Variants in CDK13 observed in about 807,000 individuals in gnomAD.
CDK13 encodes the protein cyclin-dependent kinase 13.
A neutral mutation model predicts 137.6 loss-of-function variants in CDK13; 40 were observed. That is an observed-to-expected ratio of 0.29 (90% CI 0.23 to 0.38). The LOEUF is 0.38. Among genes scored for constraint, CDK13 ranks in the 10% least tolerant of loss-of-function variants. The probability of loss-of-function intolerance (pLI) is 1.00; values close to 1 mark genes in which losing one functional copy is unlikely to be tolerated. For synonymous variants in CDK13, 869 were observed against 760.1 expected, an observed-to-expected ratio of 1.14 and a Z score of -2.36; for missense variants, 1,704 against 1,951.8, an observed-to-expected ratio of 0.87 and a Z score of 2.39.
At chr7:40,021,437 G>A (rs1024186211) in intron 5 of CDK13, among the ~76,000 whole-genome samples, 28 of 150,896 alleles carry the variant, frequency 1.9e-4, no homozygotes, top group Non-Finnish European at 3.4e-4. Context: ...TGTAGGTTGC[G>A]GTGAGCTGAG....
intron 1 of CDK13, among the ~76,000 whole-genome samples, chr7:39,976,279 C>T (rs981917746): frequency 5.9e-4 from 39 of 65,946 alleles, no homozygotes; most frequent in South Asian, 1.1e-3. Context: ...GGCAACAGAG[C>T]GAGATTCCGT....
At chr7:40,028,624 C>T (rs888632275) in intron 5 of CDK13, among the ~76,000 whole-genome samples, 1 of 151,956 alleles carries the variant, frequency 6.6e-6, no homozygotes, top group African/African-American at 2.4e-5. Context: ...TTATTTATTC[C>T]CCTGATGGTG....
intron 9 of CDK13, chr7:40,069,349 A>C (rs1264881366): frequency 2.2e-6 from 1 of 455,930 alleles, no homozygotes; most frequent in African/African-American, 2.0e-5. Context: ...AAATCTGACT[A>C]TAATGAGGCA....
At chr7:39,974,827 G>C (rs910725027) in intron 1 of CDK13, among the ~76,000 whole-genome samples, 3 of 152,124 alleles carry the variant, frequency 2.0e-5, no homozygotes, top group African/African-American at 2.4e-5. Flanking sequence ...ACCTCCCAAA[G>C]TACTGGGATT....
chr7:39,996,977 G>A (rs7781110), intron 2 of CDK13, among the ~76,000 whole-genome samples: 74,486 of 113,710 alleles, frequency 0.66, 25,193 homozygotes, highest in East Asian at 0.98. Flanking sequence ...AAAAAAAAAA[G>A]AAAAAAAAAA....
At chr7:39,957,309 C>T (rs115803742) in intron 1 of CDK13, among the ~76,000 whole-genome samples, 26 of 151,696 alleles carry the variant, frequency 1.7e-4, no homozygotes, top group Middle Eastern at 3.4e-3. Flanking sequence ...AGTTTTTTTT[C>T]CTGTGCCCCC....
At chr7:39,960,448 G>A (rs932066176) in intron 1 of CDK13, among the ~76,000 whole-genome samples, 2 of 151,924 alleles carry the variant, frequency 1.3e-5, no homozygotes, top group Admixed American at 1.3e-4. Context: ...CAGTAGAGAC[G>A]GGGTTTCATC....
chr7:40,020,041 GA>G (rs757092151), intron 5 of CDK13, among the ~76,000 whole-genome samples: 2 of 152,068 alleles, frequency 1.3e-5, no homozygotes, highest in Non-Finnish European at 2.9e-5. Context: ...ATATGTTCTA[GA>G]TTTAATATAA....
rs573501073 is a variant in CDK13, at chr7:40,056,847, C to T, written c.2601-5979C>T. On this transcript the variant is annotated intron_variant, in intron 7 of 13. Coordinates refer to ENST00000181839, the MANE Select transcript of CDK13 (RefSeq NM_003718.5). ...CCCTACTGTAAGGTTTCTGCTTAAG[C>T]AACTGGATGAATGATTTGTTGGTTA... Among the ~76,000 whole-genome samples the T allele has an allele frequency of 5.9e-5, 9 of 152,350 alleles. No homozygotes were observed. The South Asian group carries it at 1.4e-3, about 25-fold the overall frequency.
intron 1 of CDK13, among the ~76,000 whole-genome samples, chr7:39,978,663 A>ACTCT (rs1210133794): frequency 6.6e-6 from 1 of 152,238 alleles, no homozygotes; most frequent in African/African-American, 2.4e-5. Context: ...AGCCTAGCAT[A>ACTCT]GTGCATCTCA....
At chr7:40,026,987 TA>T (rs1785256373) in intron 5 of CDK13, among the ~76,000 whole-genome samples, 1 of 149,624 alleles carries the variant, frequency 6.7e-6, no homozygotes. Flanking sequence ...ACCGTGTATG[TA>T]AATTTTAAAT....
At position 39,997,542 on chromosome 7, in the gene CDK13, G is replaced by T; in HGVS notation, c.1920G>T (p.Lys640Asn). ...SVKAVKKEVE[K>N]KLRCLLADLP... ...AAGCAGTTAAAAAAGAAGTAGAAAA[G>T]AAACTCCGATGTCTTCTTGCTGATT... The change falls in exon 3 of 14, where the codon AAG becomes AAT. Residue 640 changes from lysine (K) to asparagine (N), a missense_variant. By Grantham distance (94) the Lys-to-Asn change is moderately conservative. Transcript: ENST00000181839. The T allele has an allele frequency of 6.2e-7, 1 of 1,602,098 alleles. No homozygotes were observed. Among genetic ancestry groups the T allele is most frequent in the South Asian group, 1.1e-5 (1 of 87,462 alleles).
At chr7:39,973,416 A>G (rs917113224) in intron 1 of CDK13, among the ~76,000 whole-genome samples, 1 of 152,178 alleles carries the variant, frequency 6.6e-6, no homozygotes, top group Non-Finnish European at 1.5e-5. Context: ...GATTATGGGC[A>G]TGAGACACCA....
intron 7 of CDK13, among the ~76,000 whole-genome samples, chr7:40,057,526 A>C (rs1786047349): frequency 6.6e-6 from 1 of 152,112 alleles, no homozygotes; most frequent in Non-Finnish European, 1.5e-5. Flanking sequence ...GCCACACCTA[A>C]CTGCAGTGAG....
chr7:39,976,358 C>CACACACACACACACAG (rs1368250288), intron 1 of CDK13, among the ~76,000 whole-genome samples: 2 of 147,208 alleles, frequency 1.4e-5, no homozygotes, highest in Non-Finnish European at 1.5e-5. Context: ...CACACACACA[C>CACACACACACACACAG]AGAAACAAAT....
chr7:40,030,167 A>G (rs903357621), intron 5 of CDK13, among the ~76,000 whole-genome samples: 2 of 152,146 alleles, frequency 1.3e-5, no homozygotes, highest in Admixed American at 6.5e-5. Context: ...ACTATACACT[A>G]TATCTTTTCT....
intron 12 of CDK13, among the ~76,000 whole-genome samples, chr7:40,091,280 G>A (rs964310475): frequency 2.6e-5 from 4 of 152,040 alleles, no homozygotes; most frequent in Non-Finnish European, 2.9e-5. Context: ...CCCAGAAGGC[G>A]GAGCTTGCAG....
chr7:40,066,446 T>G (rs1232255554), intron 9 of CDK13, among the ~76,000 whole-genome samples: 1 of 152,222 alleles, frequency 6.6e-6, no homozygotes, highest in Admixed American at 6.5e-5. Flanking sequence ...GGCTGTCACT[T>G]TCTAGTAAGA....
At chr7:39,991,720 A>T (rs1428557166) in intron 2 of CDK13, among the ~76,000 whole-genome samples, 3 of 152,132 alleles carry the variant, frequency 2.0e-5, no homozygotes, top group Non-Finnish European at 4.4e-5. Context: ...ATCCATCTAG[A>T]TTAACGAAGT....
Sources: allele counts gnomAD v4.1 joint callset (sites outside exome capture counted in the v4.1 genomes callset), GRCh38; gene constraint gnomAD v4.1.1; transcripts MANE v1.5; gene names NCBI Gene and HGNC (gene_info 2026-07-23, HGNC 2026-07-21).